The following MIR2052HG variants were observed in gnomAD, a reference collection of about 807,000 sequenced individuals.
MIR2052HG encodes the protein MIR2052 host gene.
At chr8:74,641,160 A>G (rs1408054902) in intron 2 of MIR2052HG, among the ~76,000 whole-genome samples, 1 of 152,208 alleles carries the variant, frequency 6.6e-6, no homozygotes, top group South Asian at 2.1e-4. Flanking sequence ...TAATTATTGA[A>G]AATGAAACAG....
Position 74,714,215 on chromosome 8 carries a change from A to T in MIR2052HG, n.371+10533A>T, listed in dbSNP as rs117265090. 2.8e-3 allele frequency among the ~76,000 whole-genome samples: 423 copies of T among 152,274 alleles called. 7 individuals are homozygous for T. In the East Asian group the frequency reaches 0.055, roughly 20 times the overall value. ...CAGAGAGCACCACGAGGATGAGAGAATTGTTCCTTTCCTGTTTTCCAATCA... is the reference window on the plus strand; with the variant it reads ...CAGAGAGCACCACGAGGATGAGAGATTTGTTCCTTTCCTGTTTTCCAATCA... On this transcript the variant is annotated intron_variant and non_coding_transcript_variant, in intron 4 of 6. Coordinates refer to ENST00000523442, the Ensembl canonical transcript of MIR2052HG.
At chr8:74,733,307 C>T (rs1809714230) in intron 4 of MIR2052HG, among the ~76,000 whole-genome samples, 1 of 152,072 alleles carries the variant, frequency 6.6e-6, no homozygotes, top group Non-Finnish European at 1.5e-5. Flanking sequence ...ATTCAATTCC[C>T]ACCTATGAGT....
chr8:74,654,120 G>A (rs1357916956), intron 2 of MIR2052HG, among the ~76,000 whole-genome samples: 5 of 152,252 alleles, frequency 3.3e-5, no homozygotes, highest in East Asian at 3.9e-4. Context: ...TGAGAGAATC[G>A]TATTTGGGGT....
intron 2 of MIR2052HG, among the ~76,000 whole-genome samples, chr8:74,667,999 G>C (rs1364960847): frequency 6.6e-6 from 1 of 151,492 alleles, no homozygotes; most frequent in Non-Finnish European, 1.5e-5. Context: ...TGAGATTGTA[G>C]GCATGCAAAG....
intron 2 of MIR2052HG, among the ~76,000 whole-genome samples, chr8:74,632,044 A>T (rs979052003): frequency 1.3e-5 from 2 of 152,098 alleles, no homozygotes; most frequent in African/African-American, 4.8e-5. Flanking sequence ...CAGCCTCCTT[A>T]TTTTACTTAG....
chr8:74,702,507 C>G, intron 3 of MIR2052HG: 1 of 393,608 alleles, frequency 2.5e-6, no homozygotes, highest in South Asian at 1.8e-5. Context: ...CTGCACACAT[C>G]CTACTAGAAT....
chr8:74,624,300 T>C (rs56716521), intron 2 of MIR2052HG, among the ~76,000 whole-genome samples: 6,152 of 152,318 alleles, frequency 0.04, 402 homozygotes, highest in African/African-American at 0.14. Context: ...TGGGCTTATG[T>C]CACTTTGTCT....
At chr8:74,648,017 C>A (rs1808711658) in intron 2 of MIR2052HG, among the ~76,000 whole-genome samples, 2 of 151,744 alleles carry the variant, frequency 1.3e-5, no homozygotes, top group Non-Finnish European at 2.9e-5. Context: ...ATCAGTGCAC[C>A]CTAAAAAAGA....
chr8:74,683,652 T>C (rs1031315377), intron 2 of MIR2052HG, among the ~76,000 whole-genome samples: 1 of 152,144 alleles, frequency 6.6e-6, no homozygotes, highest in African/African-American at 2.4e-5. Context: ...CCATTCTTTG[T>C]ATCTTAACGT....
intron 4 of MIR2052HG, among the ~76,000 whole-genome samples, chr8:74,713,554 C>T (rs1809491026): frequency 1.3e-5 from 2 of 151,708 alleles, no homozygotes; most frequent in South Asian, 4.2e-4. Flanking sequence ...TTTTACTTCT[C>T]CCATCTCTTC....
In MIR2052HG at chr8:74,711,873, A is replaced by G. The variant is rs1420381229; in HGVS notation, n.371+8191A>G. 2.0e-5 allele frequency among the ~76,000 whole-genome samples: 3 copies of G among 152,190 alleles called. No individual in the cohort carries two copies. The South Asian group carries it at 6.2e-4, about 31-fold the overall frequency. ...GGTGTGGAGCAACCATGTGATGGAA[A>G]TAGACTGAACTCCTGTGGATGCTTC... On this transcript the variant is annotated intron_variant and non_coding_transcript_variant, in intron 4 of 6. Transcript: ENST00000523442.
At chr8:74,723,553 G>A (rs1015585376) in intron 4 of MIR2052HG, among the ~76,000 whole-genome samples, 3 of 152,098 alleles carry the variant, frequency 2.0e-5, no homozygotes, top group African/African-American at 7.2e-5. Context: ...GAGGAAGGTA[G>A]GGATGGGAAA....
chr8:74,690,886 C>T (rs1809233037), intron 2 of MIR2052HG, among the ~76,000 whole-genome samples: 2 of 151,782 alleles, frequency 1.3e-5, no homozygotes, highest in African/African-American at 2.4e-5. Context: ...GGACAAAGCA[C>T]GGGGAATCTG....
At chr8:74,655,960 A>G (rs1808801974) in intron 2 of MIR2052HG, among the ~76,000 whole-genome samples, 1 of 152,192 alleles carries the variant, frequency 6.6e-6, no homozygotes. Context: ...TTGCATCAGC[A>G]TGACCTGGAT....
At chr8:74,614,223 G>A (rs1030938601) in intron 2 of MIR2052HG, among the ~76,000 whole-genome samples, 32 of 152,146 alleles carry the variant, frequency 2.1e-4, no homozygotes, top group Admixed American at 2.0e-3. Flanking sequence ...ACTAGGTTCA[G>A]TATTTTAAAA....
At chr8:74,667,292 G>A (rs1053180825) in intron 2 of MIR2052HG, among the ~76,000 whole-genome samples, 1 of 152,100 alleles carries the variant, frequency 6.6e-6, no homozygotes, top group Non-Finnish European at 1.5e-5. Context: ...GGCAGTAAGG[G>A]CAAGAATTCC....
chr8:74,627,299 T>G (rs1808449960), intron 2 of MIR2052HG, among the ~76,000 whole-genome samples: 1 of 152,230 alleles, frequency 6.6e-6, no homozygotes, highest in Non-Finnish European at 1.5e-5. Context: ...TTTGCCTTTT[T>G]TTGTTATTTA....
chr8:74,609,606 A>G (rs540011218), intron 1 of MIR2052HG: 5 of 151,790 alleles, frequency 3.3e-5, no homozygotes, highest in African/African-American at 1.2e-4. Flanking sequence ...AAAACCTTGT[A>G]TGATTTATTC....
At chr8:74,603,310 G>A (rs906225866) in intron 1 of MIR2052HG, 23 of 1,598,778 alleles carry the variant, frequency 1.4e-5, no homozygotes, top group African/African-American at 4.0e-5. Context: ...CATGCCACCC[G>A]TCTCCGAGGA....
Sources: gnomAD v4.1 joint callset for allele counts (sites outside exome capture counted in the v4.1 genomes callset) on GRCh38, gnomAD v4.1.1 for gene constraint, MANE v1.5 for transcripts, NCBI Gene and HGNC (gene_info 2026-07-23, HGNC 2026-07-21) for gene names.